Variants in EPG5 observed in about 807,000 individuals in gnomAD.
The protein encoded by EPG5 is ectopic P granules protein 5 homolog.
In EPG5, 159 loss-of-function variants were observed where a neutral mutation model predicts 302.7. The ratio of observed to expected loss-of-function variants is 0.53; its 90% CI spans 0.46 to 0.60. The LOEUF is 0.60. EPG5 is among the 20% of genes least tolerant of loss of function. The pLI, the probability that EPG5 is intolerant of heterozygous loss-of-function variation, is 0.00. For synonymous variants in EPG5, 1,158 were observed against 1,136.8 expected (o/e 1.02, Z -0.37); for missense variants, 2,896 against 3,092.4 (o/e 0.94, Z 1.51).
the EPG5 span, among the ~76,000 whole-genome samples, chr18:45,804,311 C>T: frequency 2.0e-5 from 3 of 151,938 alleles, no homozygotes; most frequent in Non-Finnish European, 4.4e-5. Flanking sequence ...GTCTAACATA[C>T]CTACAATTGA....
chr18:45,939,812 A>G (rs2050622825), intron 9 of EPG5, 57 bp from the exon 10 acceptor site: 1 of 1,477,732 alleles, frequency 6.8e-7, no homozygotes, highest in Admixed American at 1.8e-5. Flanking sequence ...CTGCACCTTT[A>G]TATTACATTT....
At position 45,847,936 on chromosome 18, in the gene EPG5, A is replaced by G. The variant is rs1283004921; in HGVS notation, c.*4531T>C. On this transcript the variant is annotated 3_prime_UTR_variant, in exon 44 of 44. Transcript: ENST00000282041. ...TGTACATTAAAAAATAAAAGTTATA[A>G]TCAACAACATTCCTTCGCAATTTCA... 1.3e-5 allele frequency: 2 copies of G among 152,634 alleles called. No individual in the cohort carries two copies. Among genetic ancestry groups the G allele is most frequent in the Non-Finnish European group, 2.9e-5 (2 of 68,042 alleles). 9.5% of individuals were successfully genotyped at this position (152,634 alleles called of 1,614,324 possible). A position where few individuals can be genotyped will look rare whatever the true frequency, so the allele number is the denominator to read the frequency against.
At chr18:45,841,614 G>C in the EPG5 span, among the ~76,000 whole-genome samples, 1 of 152,170 alleles carries the variant, frequency 6.6e-6, no homozygotes, top group East Asian at 1.9e-4. Flanking sequence ...GCTTGCCCAA[G>C]AGCCCAGTGG....
At chr18:45,926,662 A>G (rs922947864) in intron 13 of EPG5, among the ~76,000 whole-genome samples, 1 of 151,956 alleles carries the variant, frequency 6.6e-6, no homozygotes, top group Non-Finnish European at 1.5e-5. Context: ...CCTCGTCTCT[A>G]CTAAAAATTA....
In EPG5 at chr18:45,908,020, T is replaced by C. The variant is rs776021923; in HGVS notation, c.4267A>G (p.Ile1423Val). 13 of 1,599,410 alleles carry C rather than the reference T, an allele frequency of 8.1e-6. No individual in the cohort carries two copies. Among genetic ancestry groups the C allele is most frequent in the Non-Finnish European group, 1.1e-5 (13 of 1,174,400 alleles). The change falls in exon 24 of 44, where the codon ATC (isoleucine) becomes GTC (valine). Residue 1423 changes from isoleucine (I) to valine (V), a missense_variant. Ile to Val is a conservative substitution (Grantham distance 29). Transcript: ENST00000282041. Reference sequence around the variant, plus strand: ...TCATAATGCTTTGGTAGAGAAGGGATATAGGTATCTCCTTTTTGAAAATTC... The same window carrying C: ...TCATAATGCTTTGGTAGAGAAGGGACATAGGTATCTCCTTTTTGAAAATTC... ...DENFQKGDTYIPSLPKHYDIH... is the reference protein window; with the variant it reads ...DENFQKGDTYVPSLPKHYDIH...
the EPG5 span, among the ~76,000 whole-genome samples, chr18:45,809,080 G>T: frequency 2.0e-5 from 3 of 152,104 alleles, no homozygotes; most frequent in African/African-American, 7.2e-5. Context: ...AAGTGAGCAG[G>T]AGTAGCTATT....
At chr18:45,871,758 C>T (rs540459563) in intron 35 of EPG5, among the ~76,000 whole-genome samples, 9 of 152,162 alleles carry the variant, frequency 5.9e-5, no homozygotes, top group African/African-American at 2.2e-4. Flanking sequence ...AATAGAATGA[C>T]AGTTACCAGA....
intron 11 of EPG5, among the ~76,000 whole-genome samples, chr18:45,932,604 C>T (rs1274228525): frequency 1.3e-5 from 2 of 152,058 alleles, no homozygotes; most frequent in East Asian, 3.8e-4. Flanking sequence ...CCTTATTCTT[C>T]CACAAACAAT....
chr18:45,863,222 G>GA (rs2048672541), intron 39 of EPG5, among the ~76,000 whole-genome samples: 1 of 152,130 alleles, frequency 6.6e-6, no homozygotes, highest in Non-Finnish European at 1.5e-5. Context: ...AAAGCTAGAT[G>GA]TTTTTGGTTA....
intron 43 of EPG5, 35 bp from the exon 44 acceptor site, chr18:45,852,684 T>C (rs750795761): frequency 3.2e-6 from 5 of 1,576,618 alleles, no homozygotes; most frequent in Admixed American, 3.4e-5. Flanking sequence ...GTTAACTCCA[T>C]AGAGGCACAT....
At chr18:45,864,978 T>C (rs1229051240) in intron 39 of EPG5, among the ~76,000 whole-genome samples, 1 of 152,178 alleles carries the variant, frequency 6.6e-6, no homozygotes, top group East Asian at 1.9e-4. Context: ...TGCATCGGAT[T>C]TCCTTTTAGG....
At chr18:45,800,607 C>T in the EPG5 span, among the ~76,000 whole-genome samples, 98 of 152,252 alleles carry the variant, frequency 6.4e-4, no homozygotes, top group African/African-American at 1.9e-3. Context: ...TTTTATTGAT[C>T]GATAACTGCA....
intron 1 of EPG5, among the ~76,000 whole-genome samples, chr18:45,960,902 A>T (rs2051134371): frequency 6.6e-6 from 1 of 152,194 alleles, no homozygotes. Context: ...GATGTAGAAT[A>T]GGCTTGGATT....
intron 16 of EPG5, among the ~76,000 whole-genome samples, chr18:45,918,259 T>C (rs1403403078): frequency 6.6e-6 from 1 of 152,238 alleles, no homozygotes; most frequent in Non-Finnish European, 1.5e-5. Context: ...ACAGGTTGAC[T>C]ATCCCTTAAC....
intron 8 of EPG5, 145 bp downstream of exon 8, chr18:45,943,860 G>A (rs2050727478): frequency 1.8e-6 from 1 of 561,180 alleles, no homozygotes; most frequent in Non-Finnish European, 3.2e-6. Context: ...GGCAGAGCTT[G>A]CAGTGAGCCG....
intron 30 of EPG5, 37 bp downstream of exon 30, chr18:45,884,580 G>C: frequency 1.3e-6 from 2 of 1,532,894 alleles, no homozygotes; most frequent in Non-Finnish European, 1.8e-6. Flanking sequence ...TCATTCCTAC[G>C]TTTCAACAAT....
chr18:45,821,978 A>G, the EPG5 span, among the ~76,000 whole-genome samples: 6 of 152,224 alleles, frequency 3.9e-5, no homozygotes, highest in Non-Finnish European at 8.8e-5. Flanking sequence ...AAGCCACTAT[A>G]GAGAACAATA....
chr18:45,958,629 C>T (rs1284753081), intron 1 of EPG5, among the ~76,000 whole-genome samples: 1 of 152,058 alleles, frequency 6.6e-6, no homozygotes, highest in African/African-American at 2.4e-5. Flanking sequence ...TAAATTGGAC[C>T]CTTACCTTAT....
intron 22 of EPG5, among the ~76,000 whole-genome samples, chr18:45,911,444 C>T (rs1457709957): frequency 1.3e-5 from 2 of 151,842 alleles, no homozygotes; most frequent in Non-Finnish European, 2.9e-5. Flanking sequence ...CGCCACCACG[C>T]CTGGCTAATT....
Sources: gnomAD v4.1 joint callset for allele counts (sites outside exome capture counted in the v4.1 genomes callset) on GRCh38, gnomAD v4.1.1 for gene constraint, MANE v1.5 for transcripts, NCBI Gene and HGNC (gene_info 2026-07-23, HGNC 2026-07-21) for gene names.